Variants in DPF3 observed in about 807,000 individuals in gnomAD.
DPF3 encodes double PHD fingers 3.
DPF3 carries 18 observed loss-of-function variants against 56.8 expected under a neutral mutation model. That is an observed-to-expected ratio of 0.32 (90% CI 0.22 to 0.47). The LOEUF is 0.47. Ranked by LOEUF, DPF3 falls within the 20% of genes least tolerant of loss-of-function variation. The pLI, the probability that DPF3 is intolerant of heterozygous loss-of-function variation, is 1.00. For missense variants in DPF3, 403 were observed against 488.8 expected (o/e 0.82, Z 1.65); for synonymous variants, 188 against 180.2 (o/e 1.04, Z -0.35).
chr14:72,677,348 C>T (rs1886955106), intron 7 of DPF3, among the ~76,000 whole-genome samples: 1 of 152,192 alleles, frequency 6.6e-6, no homozygotes. Context: ...GGACTAATTG[C>T]TTATGCACCT....
chr14:72,751,758 C>A (rs1890584158), intron 3 of DPF3, among the ~76,000 whole-genome samples: 1 of 152,042 alleles, frequency 6.6e-6, no homozygotes, highest in African/African-American at 2.4e-5. Flanking sequence ...TCCCCTGTTT[C>A]TTTTTCCTTT....
chr14:72,871,908 C>T (rs952384035), intron 1 of DPF3, among the ~76,000 whole-genome samples: 2 of 152,226 alleles, frequency 1.3e-5, no homozygotes, highest in Non-Finnish European at 2.9e-5. Flanking sequence ...TCCAACCCCA[C>T]ATTTCCCTTC....
chr14:72,831,551 G>A (rs1208742310), intron 1 of DPF3, among the ~76,000 whole-genome samples: 2 of 152,206 alleles, frequency 1.3e-5, no homozygotes, highest in African/African-American at 4.8e-5. Flanking sequence ...AAGAACAGGG[G>A]ATCCAAGCCC....
At chr14:72,670,324 G>A (rs1384653090) in intron 8 of DPF3, 2 of 986,180 alleles carry the variant, frequency 2.0e-6, no homozygotes, top group Admixed American at 6.1e-5. Context: ...AGGAAAGTGA[G>A]GAAAAACCAG....
chr14:72,655,100 A>G (rs1886025954), intron 8 of DPF3, among the ~76,000 whole-genome samples: 1 of 152,178 alleles, frequency 6.6e-6, no homozygotes, highest in Non-Finnish European at 1.5e-5. Flanking sequence ...CTCCATCCCC[A>G]AACTCCATAA....
chr14:72,629,700 G>T lies in DPF3; in HGVS notation c.908C>A (p.Thr303Asn). ...CCACTTGTAGGTCTTGACAGCCTCG[G>T]TCATGTTCAGGGTAAACTGCAGGCA... ...PTCLQFTLNM[T>N]EAVKTYKWQC... is the part of the protein sequence containing the mutation. The change falls in exon 9 of 11, where the codon ACC becomes AAC. Residue 303 changes from threonine (T) to asparagine (N), a missense_variant. This residue lies in a region of DPF3 where 63 missense variants were observed against 114.4 expected (regional missense o/e 0.55). Transcript: ENST00000556509. 6.5e-7 allele frequency: 1 copy of T among 1,536,108 alleles called. No homozygotes were observed. The highest frequency in any genetic ancestry group is 8.7e-7 in the Non-Finnish European group (1 of 1,146,880).
In DPF3 at chr14:72,661,617, A is replaced by C. The variant is rs1400014601; in HGVS notation, c.871+12623T>G. The stretch of plus-strand genomic sequence containing the variant: ...ATACATCCCATCGGCCAAAACGCCC[A>C]CTTCCGCCAGCTCAGCCAGAAAGGG... On this transcript the variant is annotated intron_variant, in intron 8 of 10. Coordinates refer to ENST00000556509, the MANE Select transcript of DPF3 (RefSeq NM_001280542.3). 2.4e-5 allele frequency: 24 copies of C among 985,438 alleles called. No individual in the cohort carries two copies. The South Asian group carries it at 7.1e-4, about 29-fold the overall frequency. The allele number at this position is 985,438 out of a possible 1,614,324, so 61.0% of individuals were successfully genotyped here. A position where few individuals can be genotyped will look rare whatever the true frequency, so the allele number is the denominator to read the frequency against.
intron 1 of DPF3, among the ~76,000 whole-genome samples, chr14:72,884,971 T>TGTATATATATATATATATATATATA (rs10523148): frequency 4.5e-5 from 5 of 111,682 alleles, no homozygotes; most frequent in South Asian, 3.0e-4. Flanking sequence ...TATATATATA[T>TGTATATATATATATATATATATATA]TAGCCGGGCG....
chr14:72,800,463 T>C (rs1247263922), intron 1 of DPF3, among the ~76,000 whole-genome samples: 1 of 151,728 alleles, frequency 6.6e-6, no homozygotes, highest in Non-Finnish European at 1.5e-5. Context: ...GATGGATGGA[T>C]GGACACATGG....
chr14:72,636,640 G>A (rs1256711146), intron 8 of DPF3, among the ~76,000 whole-genome samples: 3 of 152,224 alleles, frequency 2.0e-5, no homozygotes, highest in Non-Finnish European at 2.9e-5. Flanking sequence ...ACTATGGCAA[G>A]TATGATAACT....
chr14:72,892,930 A>G (rs1288680982), intron 1 of DPF3, among the ~76,000 whole-genome samples: 3 of 147,124 alleles, frequency 2.0e-5, no homozygotes, highest in African/African-American at 5.1e-5. Context: ...GCGGCTTAAC[A>G]GTTCCACTGA....
intron 8 of DPF3, chr14:72,673,999 G>C (rs951896279): frequency 2.0e-6 from 1 of 502,976 alleles, no homozygotes; most frequent in African/African-American, 1.9e-5. Flanking sequence ...GCACCTCATG[G>C]AAAGGCCAGA....
At chr14:72,709,713 G>C (rs955264453) in intron 6 of DPF3, among the ~76,000 whole-genome samples, 5 of 152,040 alleles carry the variant, frequency 3.3e-5, no homozygotes, top group African/African-American at 1.2e-4. Flanking sequence ...TCGCATCCTA[G>C]ATCCCAGCTG....
chr14:72,892,424 T>C (rs2140138844), intron 1 of DPF3: 5 of 1,474,130 alleles, frequency 3.4e-6, no homozygotes, highest in Non-Finnish European at 4.5e-6. Flanking sequence ...CAGGAGCTCC[T>C]ATCTGATCAG....
At chr14:72,717,639 G>T (rs1463881470) in intron 5 of DPF3, among the ~76,000 whole-genome samples, 2 of 152,198 alleles carry the variant, frequency 1.3e-5, no homozygotes, top group African/African-American at 4.8e-5. Flanking sequence ...AGCGTGCAAA[G>T]CTCTTTTGCA....
chr14:72,703,200 C>T (rs1022462040), intron 6 of DPF3, among the ~76,000 whole-genome samples: 3 of 152,096 alleles, frequency 2.0e-5, no homozygotes, highest in African/African-American at 4.8e-5. Flanking sequence ...GCTGCCGTCC[C>T]GTGGCTTCAT....
intron 1 of DPF3, among the ~76,000 whole-genome samples, chr14:72,795,849 G>T (rs75644994): frequency 6.6e-6 from 1 of 152,128 alleles, no homozygotes; most frequent in Admixed American, 6.6e-5. Flanking sequence ...GGTGAAGCCC[G>T]CACACTTCTC....
intron 10 of DPF3, 71 bp from the exon 11 acceptor site, chr14:72,619,438 C>G: frequency 6.7e-7 from 1 of 1,484,594 alleles, no homozygotes; most frequent in East Asian, 2.5e-5. Flanking sequence ...CTGGCCCTAA[C>G]TTCTTGTAAA....
At chr14:72,794,597 C>T (rs891335223) in intron 1 of DPF3, among the ~76,000 whole-genome samples, 2 of 152,076 alleles carry the variant, frequency 1.3e-5, no homozygotes, top group African/African-American at 4.8e-5. Flanking sequence ...CATCCATTGC[C>T]TTTGTTTAAA....
Sources: allele counts gnomAD v4.1 joint callset (sites outside exome capture counted in the v4.1 genomes callset), GRCh38; gene constraint gnomAD v4.1.1; regional missense constraint gnomAD v4.1.1; transcripts MANE v1.5; gene names NCBI Gene and HGNC (gene_info 2026-07-23, HGNC 2026-07-21).